The following NPLOC4 variants were observed in gnomAD, a reference collection of about 807,000 sequenced individuals.
NPLOC4 encodes nuclear protein localization protein 4 homolog.
Under a neutral mutation model 80.6 loss-of-function variants are expected in NPLOC4, and 18 were observed. The observed-to-expected ratio is 0.22, with a 90% CI of 0.15 to 0.33. The LOEUF is 0.33. NPLOC4 is among the 10% of genes least tolerant of loss of function. The pLI is 1.00. For synonymous variants in NPLOC4, 313 were observed against 301.5 expected (o/e 1.04, Z -0.39); for missense variants, 540 against 786.1 (o/e 0.69, Z 3.74).
intron 2 of NPLOC4, among the ~76,000 whole-genome samples, chr17:81,628,707 T>C (rs534139005): frequency 6.6e-6 from 1 of 152,062 alleles, no homozygotes; most frequent in South Asian, 2.1e-4. Flanking sequence ...AGGAAGAAAC[T>C]GTGAAGATAA....
At chr17:81,607,209 C>G (rs1037710859) in intron 6 of NPLOC4, among the ~76,000 whole-genome samples, 4 of 152,072 alleles carry the variant, frequency 2.6e-5, no homozygotes, top group Non-Finnish European at 4.4e-5. Flanking sequence ...GACATTAGCC[C>G]AGTACTTAGA....
At chr17:81,615,969 A>T (rs1442146197) in intron 3 of NPLOC4, among the ~76,000 whole-genome samples, 55 of 152,330 alleles carry the variant, frequency 3.6e-4, no homozygotes, top group Non-Finnish European at 5.9e-5. Context: ...AAGGAGTTGT[A>T]GGTCCATCAC....
intron 1 of NPLOC4, chr17:81,630,018 T>C (rs968741687): frequency 7.9e-6 from 4 of 503,438 alleles, no homozygotes; most frequent in Non-Finnish European, 1.1e-5. Flanking sequence ...AAGAGTACTG[T>C]CCTCTCAACT....
At chr17:81,608,436 C>T (rs1174183895) in intron 6 of NPLOC4, among the ~76,000 whole-genome samples, 1 of 152,128 alleles carries the variant, frequency 6.6e-6, no homozygotes, top group African/African-American at 2.4e-5. Flanking sequence ...GTTGGCCAGG[C>T]GAGGTGGCTC....
At chr17:81,562,820 GT>G (rs1316017207) in intron 16 of NPLOC4, 1 of 151,526 alleles carries the variant, frequency 6.6e-6, no homozygotes, top group Non-Finnish European at 1.5e-5. Flanking sequence ...CATGCTTGTA[GT>G]CCCAGCTGCT....
chr17:81,610,535 C>T (rs998712494), intron 4 of NPLOC4, among the ~76,000 whole-genome samples: 1 of 152,106 alleles, frequency 6.6e-6, no homozygotes, highest in Non-Finnish European at 1.5e-5. Context: ...TCAGCCTCCC[C>T]GAGTATCTGG....
At chr17:81,630,598 A>G (rs1598695349) in intron 1 of NPLOC4, among the ~76,000 whole-genome samples, 1 of 152,208 alleles carries the variant, frequency 6.6e-6, no homozygotes, top group Admixed American at 6.5e-5. Context: ...ACGTTTAAAA[A>G]TGGCCAGACA....
Position 81,580,021 on chromosome 17 carries a change from G to A in NPLOC4, c.1282-7933C>T, listed in dbSNP as rs1183434636. ...AAGCCTCCTCTCCTGACTCACCAGG[G>A]AGCTCCTTTCTTGCCTGCCTTCCAG... On this transcript the variant is annotated intron_variant, in intron 12 of 16. Transcript: ENST00000331134. The surrounding 1 kb of genome is among the most constrained non-coding windows in gnomAD (Gnocchi z 4.4). Among the ~76,000 whole-genome samples, 1 of 152,054 alleles carries A rather than the reference G, an allele frequency of 6.6e-6. No individual in the cohort carries two copies. The highest frequency in any genetic ancestry group is 1.9e-4 in the East Asian group (1 of 5,166).
Position 81,613,613 on chromosome 17 carries a change from G to T in NPLOC4, c.210-119C>A, listed in dbSNP as rs532615971. On this transcript the variant is annotated intron_variant, in intron 3 of 16. Coordinates refer to ENST00000331134, the MANE Select transcript of NPLOC4 (RefSeq NM_017921.4). ...CACCCCTGTAGGCCTAAACAATGAG[G>T]TTTCTAACTTTTAAGATGAGAATTC... is the stretch of plus-strand genomic sequence containing the variant. The T allele has an allele frequency of 1.6e-4, 133 of 831,274 alleles. 1 individual carries two copies. The East Asian group carries it at 3.3e-3, about 21-fold the overall frequency. 51.5% of individuals were successfully genotyped at this position (831,274 alleles called of 1,614,324 possible).
Position 81,572,784 on chromosome 17 carries a change from T to C in NPLOC4, c.1282-696A>G, listed in dbSNP as rs1216691851. Reference sequence around the variant, plus strand: ...GCCCTGTCTATCCTCCAAAAGCACATGAATCCTCACAGTCTGAATGCTAAC... The same window carrying C: ...GCCCTGTCTATCCTCCAAAAGCACACGAATCCTCACAGTCTGAATGCTAAC... On this transcript the variant is annotated intron_variant, in intron 12 of 16. Coordinates refer to ENST00000331134, the MANE Select transcript of NPLOC4 (RefSeq NM_017921.4). The surrounding 1 kb of genome is among the most constrained non-coding windows in gnomAD (Gnocchi z 4.5). Among the ~76,000 whole-genome samples, 1 of 152,222 alleles carries C rather than the reference T, an allele frequency of 6.6e-6. No homozygotes were observed. Among genetic ancestry groups the C allele is most frequent in the African/African-American group, 2.4e-5 (1 of 41,460 alleles).
At chr17:81,631,458 T>G (rs1484424126) in intron 1 of NPLOC4, among the ~76,000 whole-genome samples, 1 of 60,406 alleles carries the variant, frequency 1.7e-5, no homozygotes, top group Non-Finnish European at 3.3e-5. Context: ...TTTTTTTTTT[T>G]TTTTCCCCCA....
chr17:81,600,823 G>A (rs975229907), intron 8 of NPLOC4, among the ~76,000 whole-genome samples: 2 of 152,182 alleles, frequency 1.3e-5, no homozygotes, highest in Non-Finnish European at 2.9e-5. Context: ...GCTAAATTAG[G>A]CAAGACTCAA....
At chr17:81,613,964 G>A (rs1456553560) in intron 3 of NPLOC4, among the ~76,000 whole-genome samples, 1 of 152,034 alleles carries the variant, frequency 6.6e-6, no homozygotes, top group Admixed American at 6.6e-5. Flanking sequence ...GACACGCATA[G>A]GAGCTGTCAC....
At chr17:81,593,995 C>T (rs1211215182) in intron 11 of NPLOC4, among the ~76,000 whole-genome samples, 1 of 152,082 alleles carries the variant, frequency 6.6e-6, no homozygotes, top group African/African-American at 2.4e-5. Context: ...CTGACTCGGC[C>T]GGGCGCAGTG....
At chr17:81,611,972 A>AAG (rs2035353883) in intron 4 of NPLOC4, among the ~76,000 whole-genome samples, 2 of 151,978 alleles carry the variant, frequency 1.3e-5, no homozygotes, top group African/African-American at 4.8e-5. Context: ...AAAAAAAAAA[A>AAG]AAAAGAAAAG....
chr17:81,587,629 T>TAAAAAAA (rs2034617248), intron 12 of NPLOC4, among the ~76,000 whole-genome samples: 1 of 104,926 alleles, frequency 9.5e-6, no homozygotes, highest in Non-Finnish European at 1.9e-5. Flanking sequence ...CCCTGTCTCT[T>TAAAAAAA]TAAAAAAAAA....
chr17:81,634,919 G>A (rs994964275), intron 1 of NPLOC4, among the ~76,000 whole-genome samples: 4 of 152,098 alleles, frequency 2.6e-5, no homozygotes, highest in East Asian at 1.9e-4. Flanking sequence ...TTTCTTGGCC[G>A]GGCATGGTAG....
At chr17:81,592,796 C>G (rs1443071243) in intron 11 of NPLOC4, among the ~76,000 whole-genome samples, 2 of 152,092 alleles carry the variant, frequency 1.3e-5, no homozygotes, top group African/African-American at 4.8e-5. Context: ...CCAGCCTGGC[C>G]AACATGGTGA....
In NPLOC4 at chr17:81,559,255, C is replaced by T. The variant is rs943594611; in HGVS notation, c.*4G>A. On this transcript the variant is annotated 3_prime_UTR_variant, in exon 17 of 17. Transcript: ENST00000331134. ...CCGGTCCTAGCCAGCAGAGGGCAGG[C>T]GCCCTAGGTCCTGGGGAGGCTGCAC... The T allele has an allele frequency of 5.6e-6, 9 of 1,596,760 alleles. No homozygotes were observed. The highest frequency in any genetic ancestry group is 3.4e-5 in the South Asian group (3 of 88,156).
Sources: gnomAD v4.1 joint callset for allele counts (sites outside exome capture counted in the v4.1 genomes callset) on GRCh38, gnomAD v4.1.1 for gene constraint, Gnocchi (gnomAD v3.1) non-coding constraint, MANE v1.5 for transcripts, NCBI Gene and HGNC (gene_info 2026-07-23, HGNC 2026-07-21) for gene names.